TPX2: variants seen among roughly 807,000 people sequenced by gnomAD.
The protein encoded by TPX2 is TPX2 microtubule nucleation factor.
In TPX2, 21 loss-of-function variants were observed where a neutral mutation model predicts 93.6. The ratio of observed to expected loss-of-function variants is 0.22; its 90% CI spans 0.16 to 0.32. The LOEUF is 0.32. Ranked by LOEUF, TPX2 falls within the 10% of genes least tolerant of loss-of-function variation. TPX2 has a pLI of 1.00. For synonymous variants in TPX2, 281 were observed against 298.3 expected (o/e 0.94, Z 0.60); for missense variants, 776 against 871.1 (o/e 0.89, Z 1.37).
intron 11 of TPX2, among the ~76,000 whole-genome samples, chr20:31,783,243 T>C (rs2062045125): frequency 6.6e-6 from 1 of 151,906 alleles, no homozygotes; most frequent in Admixed American, 6.6e-5. Flanking sequence ...TATTCTTTTA[T>C]TATTTTTTAT....
intron 9 of TPX2, among the ~76,000 whole-genome samples, chr20:31,778,393 A>G (rs893833617): frequency 6.6e-6 from 1 of 152,144 alleles, no homozygotes; most frequent in African/African-American, 2.4e-5. Flanking sequence ...TAGGGGATGT[A>G]TGGAGAGATT....
Position 31,801,198 on chromosome 20 carries a change from T to A in TPX2, c.*118T>A. The A allele has an allele frequency of 1.2e-6, 1 of 816,122 alleles. No homozygotes were observed. Among genetic ancestry groups the A allele is most frequent in the Non-Finnish European group, 2.0e-6 (1 of 504,434 alleles). The allele number at this position is 816,122 out of a possible 1,614,324, so 50.6% of individuals were successfully genotyped here. A position where few individuals can be genotyped will look rare whatever the true frequency, so the allele number is the denominator to read the frequency against. ...GAACCCATTTCTCCAGACTTTTACC[T>A]ACCCGTGCCTGAGAAAGCATACTTG... On this transcript the variant is annotated 3_prime_UTR_variant, in exon 18 of 18. Transcript: ENST00000300403.
chr20:31,754,537 C>T (rs2061840121), intron 2 of TPX2, among the ~76,000 whole-genome samples: 1 of 152,080 alleles, frequency 6.6e-6, no homozygotes, highest in Non-Finnish European at 1.5e-5. Flanking sequence ...TGCTGCAGTG[C>T]CCAGAGTTGG....
At position 31,783,789 on chromosome 20, in the gene TPX2, C is replaced by T; in HGVS notation, c.1281C>T (p.Pro427=). The T allele has an allele frequency of 1.2e-6, 2 of 1,613,438 alleles. No homozygotes were observed. Among genetic ancestry groups the T allele is most frequent in the Non-Finnish European group, 1.7e-6 (2 of 1,179,842 alleles). Residue 427 remains proline (P), a synonymous_variant, in exon 12 of 18, where the codon CCC becomes CCT. Coordinates refer to ENST00000300403, the MANE Select transcript of TPX2 (RefSeq NM_012112.5). The stretch of plus-strand genomic sequence containing the variant: ...CCAAGAAACCACCTGTGAAACCACC[C>T]ACCGAGCCTATTGGCTTTGATTTGG... ...ILPKKPPVKP[P]TEPIGFDLEI... is the part of the protein sequence containing the mutation.
rs867446208 is a variant in TPX2 at position 31,791,702 on chromosome 20, T to C, written c.1414-1033T>C. Among the ~76,000 whole-genome samples, 3 of 152,316 alleles carry C rather than the reference T, an allele frequency of 2.0e-5. No individual in the cohort carries two copies. In the South Asian group the frequency reaches 6.2e-4, roughly 32 times the overall value. ...TGGAGCTGAAAGACTGTTAGGAGACTAGCAGAATGGCACAGGCAATAGCTG... is the reference window on the plus strand; with the variant it reads ...TGGAGCTGAAAGACTGTTAGGAGACCAGCAGAATGGCACAGGCAATAGCTG... On this transcript the variant is annotated intron_variant, in intron 12 of 17. Transcript: ENST00000300403.
At chr20:31,794,961 C>T (rs1464397324) in intron 15 of TPX2, among the ~76,000 whole-genome samples, 1 of 151,706 alleles carries the variant, frequency 6.6e-6, no homozygotes. Flanking sequence ...GCTGGGACTA[C>T]AGACGCCCAC....
chr20:31,749,844 A>G (rs1177514802), intron 2 of TPX2, among the ~76,000 whole-genome samples: 4 of 152,176 alleles, frequency 2.6e-5, no homozygotes, highest in African/African-American at 9.6e-5. Flanking sequence ...AACTTTTTCA[A>G]ATTTATATAC....
At chr20:31,777,427 G>C (rs544950681) in intron 8 of TPX2, 60 bp from the exon 9 acceptor site, 16 of 1,564,262 alleles carry the variant, frequency 1.0e-5, no homozygotes, top group Non-Finnish European at 1.4e-5. Context: ...GAGTAAAGGG[G>C]ATTTACTGGT....
intron 11 of TPX2, among the ~76,000 whole-genome samples, chr20:31,783,431 A>G (rs946102025): frequency 1.3e-5 from 2 of 151,772 alleles, no homozygotes; most frequent in African/African-American, 4.8e-5. Flanking sequence ...TTGTATTTTT[A>G]GTAGAGATGG....
chr20:31,786,070 TTATTC>T (rs1283076246), intron 12 of TPX2, among the ~76,000 whole-genome samples: 1 of 152,216 alleles, frequency 6.6e-6, no homozygotes, highest in Non-Finnish European at 1.5e-5. Flanking sequence ...TGCCAGGTCT[TTATTC>T]TAAGCTTTTT....
At chr20:31,753,351 C>G (rs1054346409) in intron 2 of TPX2, among the ~76,000 whole-genome samples, 1 of 152,074 alleles carries the variant, frequency 6.6e-6, no homozygotes, top group Non-Finnish European at 1.5e-5. Context: ...TCTTCAGCTT[C>G]TAGGTTGGGA....
chr20:31,783,404 C>A (rs571609963), intron 11 of TPX2, among the ~76,000 whole-genome samples: 76 of 152,110 alleles, frequency 5.0e-4, no homozygotes, highest in Middle Eastern at 6.8e-3. Flanking sequence ...GTGTGCACCA[C>A]CACGCCCAGC....
At position 31,783,742 on chromosome 20, in the gene TPX2, C is replaced by T. The variant is rs761043851; in HGVS notation, c.1234C>T (p.Leu412Phe). Residue 412 changes from leucine to phenylalanine, a missense_variant, in exon 12 of 18, where the codon CTT becomes TTT. Physicochemically the swap from Leu to Phe is conservative, Grantham distance 22 (BLOSUM62 0). This residue lies in a region of TPX2 where 461 missense variants were observed against 551.2 expected (regional missense o/e 0.84). Coordinates refer to ENST00000300403, the MANE Select transcript of TPX2 (RefSeq NM_012112.5). Reference protein sequence around the residue: ...FKARELDPRILEGGPILPKKP... With the variant: ...FKARELDPRIFEGGPILPKKP... ...AGCACGTGAACTTGATCCCAGAATA[C>T]TTGAAGGTGGGCCCATCTTGCCCAA... The T allele has an allele frequency of 6.8e-6, 11 of 1,612,624 alleles. No individual in the cohort carries two copies. The Admixed American group carries it at 1.8e-4, about 27-fold the overall frequency.
At position 31,778,853 on chromosome 20, in the gene TPX2, A is replaced by T. The variant is rs776677105; in HGVS notation, c.923A>T (p.Asn308Ile). 2 of 1,608,286 alleles carry T rather than the reference A, an allele frequency of 1.2e-6. No homozygotes were observed. The highest frequency in any genetic ancestry group is 1.3e-5 in the African/African-American group (1 of 74,654). ...GGATGTACCATTGTTAAGCCTTTCAACCTGTCCCAAGGAAAGAAAAGAACA... is the reference window on the plus strand; with the variant it reads ...GGATGTACCATTGTTAAGCCTTTCATCCTGTCCCAAGGAAAGAAAAGAACA... ...TKGCTIVKPF[N>I]LSQGKKRTFD... Residue 308 changes from asparagine (N) to isoleucine (I), a missense_variant, in exon 10 of 18, where the codon AAC becomes ATC. Around this residue, in one of 3 missense-constraint regions of TPX2, gnomAD observed 461 missense variants for 551.2 expected, o/e 0.84. Coordinates refer to ENST00000300403, the MANE Select transcript of TPX2 (RefSeq NM_012112.5).
intron 5 of TPX2, among the ~76,000 whole-genome samples, chr20:31,769,171 A>G (rs1190260731): frequency 6.6e-6 from 1 of 151,866 alleles, no homozygotes; most frequent in Non-Finnish European, 1.5e-5. Flanking sequence ...TAACCTGCCC[A>G]TTGTGCACAT....
Position 31,771,687 on chromosome 20 carries a change from G to A in TPX2, c.608+5G>A. ...GCCTTGTATGCCACCTGCAAAGTAA[G>A]TTTCTTTCCTGAATTTAAACTTTAG... On this transcript the variant is annotated splice_donor_5th_base_variant and intron_variant, in intron 7 of 17. Coordinates refer to ENST00000300403, the MANE Select transcript of TPX2 (RefSeq NM_012112.5). 1 of 1,596,436 alleles carries A rather than the reference G, an allele frequency of 6.3e-7. No homozygotes were observed. Among genetic ancestry groups the A allele is most frequent in the South Asian group, 1.1e-5 (1 of 87,312 alleles).
In TPX2 at chr20:31,776,065, T is replaced by G. The variant is rs1216865550; in HGVS notation, c.730+77T>G. 1.1e-4 allele frequency: 54 copies of G among 509,156 alleles called. No homozygotes were observed. In the African/African-American group the frequency reaches 6.8e-3, roughly 64 times the overall value. The allele number at this position is 509,156 out of a possible 1,614,324, so 31.5% of individuals were successfully genotyped here. A position where few individuals can be genotyped will look rare whatever the true frequency, so the allele number is the denominator to read the frequency against. ...CTTGGTAGGTGTTTTTTTTTTTTTT[T>G]TTTTTTTTTTTTTTTTTTTTTTTTT... On this transcript the variant is annotated intron_variant, in intron 8 of 17. Transcript: ENST00000300403.
intron 2 of TPX2, among the ~76,000 whole-genome samples, chr20:31,755,098 A>C (rs2061843485): frequency 6.6e-6 from 1 of 152,076 alleles, no homozygotes; most frequent in Admixed American, 6.6e-5. Context: ...ACAGGTGCCC[A>C]CCACTGCGCC....
intron 8 of TPX2, among the ~76,000 whole-genome samples, chr20:31,776,546 A>T (rs1168965854): frequency 5.4e-5 from 8 of 149,086 alleles, no homozygotes; most frequent in South Asian, 2.1e-4. Context: ...TTTTTCTGAG[A>T]CAGAGTTTTG....
Sources: gnomAD v4.1 joint callset for allele counts (sites outside exome capture counted in the v4.1 genomes callset) on GRCh38, gnomAD v4.1.1 for gene constraint, gnomAD v4.1.1 regional missense constraint, MANE v1.5 for transcripts, NCBI Gene and HGNC (gene_info 2026-07-23, HGNC 2026-07-21) for gene names.